The following FBXL17 variants were observed in gnomAD, a reference collection of about 807,000 sequenced individuals.
FBXL17 encodes F-box and leucine rich repeat protein 17, also known as F-box/LRR-repeat protein 17.
In FBXL17, 22 loss-of-function variants were observed where a neutral mutation model predicts 66.2. The observed-to-expected ratio is 0.33, with a 90% CI of 0.24 to 0.47. The LOEUF (loss-of-function observed/expected upper bound fraction) is 0.47. Among genes scored for constraint, FBXL17 ranks in the 20% least tolerant of loss-of-function variants. FBXL17 has a pLI of 1.00. For synonymous variants in FBXL17, 474 were observed against 400.5 expected, an observed-to-expected ratio of 1.18 and a Z score of -2.19; for missense variants, 878 against 948.2, an observed-to-expected ratio of 0.93 and a Z score of 0.97.
Position 108,381,962 on chromosome 5 carries a change from C to A in FBXL17, c.-271G>T, listed in dbSNP as rs1034268556. 2.4e-5 allele frequency: 29 copies of A among 1,226,424 alleles called. No homozygotes were observed. In the African/African-American group the frequency reaches 4.5e-4, roughly 19 times the overall value. The allele number at this position is 1,226,424 out of a possible 1,614,324, so 76.0% of individuals were successfully genotyped here. On this transcript the variant is annotated 5_prime_UTR_variant, in exon 1 of 9. Transcript: ENST00000542267. ...TTGGGGACGCGAGGGAGGGAGCGAG[C>A]GAGCCTGCCGGCTAGGCGACCAGTC...
At chr5:108,267,236 G>C (rs1757080590) in intron 4 of FBXL17, among the ~76,000 whole-genome samples, 1 of 151,752 alleles carries the variant, frequency 6.6e-6, no homozygotes, top group African/African-American at 2.4e-5. Context: ...ATCAAATTAA[G>C]AAAAACTAAT....
At chr5:107,968,984 T>C (rs906336130) in intron 7 of FBXL17, among the ~76,000 whole-genome samples, 1 of 152,110 alleles carries the variant, frequency 6.6e-6, no homozygotes, top group African/African-American at 2.4e-5. Flanking sequence ...TACCCAAGCA[T>C]AACTTGGAGG....
At chr5:108,272,824 T>G (rs1757330561) in intron 4 of FBXL17, among the ~76,000 whole-genome samples, 1 of 152,206 alleles carries the variant, frequency 6.6e-6, no homozygotes, top group African/African-American at 2.4e-5. Context: ...AATGAATTAT[T>G]TATGTGTGTA....
At chr5:107,879,828 A>G in intron 8 of FBXL17, 1 of 985,422 alleles carries the variant, frequency 1.0e-6, no homozygotes, top group East Asian at 1.1e-4. Context: ...GACCTTTTCC[A>G]AGGGAAGCAG....
chr5:107,998,076 A>T (rs776803641), intron 7 of FBXL17, among the ~76,000 whole-genome samples: 1 of 152,242 alleles, frequency 6.6e-6, no homozygotes, highest in African/African-American at 2.4e-5. Flanking sequence ...TACACACCCG[A>T]TTTCAAAGAC....
At chr5:108,279,842 T>G (rs1038668101) in intron 4 of FBXL17, among the ~76,000 whole-genome samples, 1 of 151,430 alleles carries the variant, frequency 6.6e-6, no homozygotes, top group Non-Finnish European at 1.5e-5. Flanking sequence ...TCAAAAAATT[T>G]TAAAAAAAGA....
intron 4 of FBXL17, among the ~76,000 whole-genome samples, chr5:108,285,985 C>T (rs994591310): frequency 1.3e-5 from 2 of 151,690 alleles, no homozygotes; most frequent in Non-Finnish European, 3.0e-5. Flanking sequence ...AAAAGTGGCT[C>T]GACATGCATG....
chr5:107,954,634 A>T (rs1397378697), intron 7 of FBXL17, among the ~76,000 whole-genome samples: 1 of 152,224 alleles, frequency 6.6e-6, no homozygotes, highest in Non-Finnish European at 1.5e-5. Context: ...TTAGTCCAAG[A>T]AGTTGACATA....
intron 7 of FBXL17, among the ~76,000 whole-genome samples, chr5:107,964,038 T>C (rs928769693): frequency 6.6e-6 from 1 of 152,168 alleles, no homozygotes; most frequent in Admixed American, 6.6e-5. Context: ...TTGAGAAATA[T>C]GAATAAAGTA....
chr5:108,241,175 C>T (rs1755839301), intron 4 of FBXL17, among the ~76,000 whole-genome samples: 1 of 152,176 alleles, frequency 6.6e-6, no homozygotes, highest in Non-Finnish European at 1.5e-5. Flanking sequence ...GTGATCAATC[C>T]TTGTGAGACA....
At chr5:107,992,831 A>G (rs1753308239) in intron 7 of FBXL17, among the ~76,000 whole-genome samples, 1 of 152,230 alleles carries the variant, frequency 6.6e-6, no homozygotes, top group South Asian at 2.1e-4. Context: ...AGCATGTCCT[A>G]TCATTTTGGT....
intron 5 of FBXL17, among the ~76,000 whole-genome samples, chr5:108,219,798 T>TGGCAACCCTCTGAGCTATAACA (rs1754772300): frequency 6.6e-6 from 1 of 152,152 alleles, no homozygotes; most frequent in Non-Finnish European, 1.5e-5. Context: ...GCAAGTTTTT[T>TGGCAACCCTCTGAGCTATAACA]TTGATCAGTG....
chr5:107,928,232 G>T (rs1312454630), intron 7 of FBXL17, among the ~76,000 whole-genome samples: 1 of 151,998 alleles, frequency 6.6e-6, no homozygotes, highest in Non-Finnish European at 1.5e-5. Flanking sequence ...AAGCTCTAAG[G>T]AAAGGTTTTT....
intron 6 of FBXL17, among the ~76,000 whole-genome samples, chr5:108,170,421 ATTAG>A (rs1752564226): frequency 6.6e-6 from 1 of 152,208 alleles, no homozygotes; most frequent in Non-Finnish European, 1.5e-5. Context: ...TCACTAAGGT[ATTAG>A]TTAGAAGAAT....
chr5:108,218,115 C>T (rs1754692692), intron 5 of FBXL17, among the ~76,000 whole-genome samples: 1 of 149,636 alleles, frequency 6.7e-6, no homozygotes, highest in African/African-American at 2.5e-5. Flanking sequence ...ACGCCATTCT[C>T]CTGCCTCAGC....
intron 7 of FBXL17, among the ~76,000 whole-genome samples, chr5:107,984,669 T>C (rs890098265): frequency 1.3e-5 from 2 of 152,232 alleles, no homozygotes; most frequent in Admixed American, 6.5e-5. Context: ...ATGGCTATCA[T>C]GCCATCTAAA....
intron 6 of FBXL17, among the ~76,000 whole-genome samples, chr5:108,067,711 G>A (rs1318963612): frequency 6.6e-6 from 1 of 152,110 alleles, no homozygotes; most frequent in African/African-American, 2.4e-5. Flanking sequence ...AAGTATAAAA[G>A]TGAAAGGCCC....
At chr5:108,251,970 A>G (rs529269608) in intron 4 of FBXL17, among the ~76,000 whole-genome samples, 2 of 152,124 alleles carry the variant, frequency 1.3e-5, no homozygotes, top group South Asian at 2.1e-4. Flanking sequence ...ATGTATTTTT[A>G]TTACAAACAA....
rs540714962 is a variant in FBXL17, at chr5:108,351,679, A to C, written c.1375-3149T>G. 9.1e-4 allele frequency among the ~76,000 whole-genome samples: 138 copies of C among 152,338 alleles called. 1 individual carries two copies. The highest frequency in any genetic ancestry group is 1.5e-3 in the Non-Finnish European group (102 of 68,026). Reference sequence around the variant, plus strand: ...TTAGATTTTCTGAGTGCTAAAGCTGACATCTTGCTCCTTCATCACTATTTC... The same window carrying C: ...TTAGATTTTCTGAGTGCTAAAGCTGCCATCTTGCTCCTTCATCACTATTTC... On this transcript the variant is annotated intron_variant, in intron 3 of 8. Coordinates refer to ENST00000542267, the MANE Select transcript of FBXL17 (RefSeq NM_001163315.3).
Sources: gnomAD v4.1 joint callset for allele counts (sites outside exome capture counted in the v4.1 genomes callset) on GRCh38, gnomAD v4.1.1 for gene constraint, MANE v1.5 for transcripts, NCBI Gene and HGNC (gene_info 2026-07-23, HGNC 2026-07-21) for gene names.